L3MBTL1: variants seen among roughly 807,000 people sequenced by gnomAD.
L3MBTL1 encodes the protein L3MBTL histone methyl-lysine binding protein 1, also known as lethal(3)malignant brain tumor-like protein 1.
Under a neutral mutation model 105.3 loss-of-function variants are expected in L3MBTL1, and 75 were observed. The ratio of observed to expected loss-of-function variants is 0.71; its 90% confidence interval spans 0.59 to 0.86. The LOEUF is 0.86. Ranked by LOEUF, L3MBTL1 falls within the 40% of genes least tolerant of loss-of-function variation. L3MBTL1 has a pLI of 0.00. For synonymous variants in L3MBTL1, 452 were observed against 436.2 expected, an observed-to-expected ratio of 1.04 and a Z score of -0.45; for missense variants, 1,069 against 1,126.4, an observed-to-expected ratio of 0.95 and a Z score of 0.73.
chr20:43,547,654 T>C (rs1978710114), intron 18 of L3MBTL1, among the ~76,000 whole-genome samples: 1 of 152,182 alleles, frequency 6.6e-6, no homozygotes, highest in Non-Finnish European at 1.5e-5. Flanking sequence ...ACTATGTACT[T>C]TGTACTGCCT....
intron 19 of L3MBTL1, 74 bp downstream of exon 19, chr20:43,536,532 T>A: frequency 6.6e-7 from 1 of 1,522,772 alleles, no homozygotes; most frequent in African/African-American, 1.4e-5. Context: ...ATTGGTGGGA[T>A]GAGACAGATT....
At chr20:43,533,060 G>A (rs1472291420) in intron 12 of L3MBTL1, 136 bp downstream of exon 12, 2 of 860,538 alleles carry the variant, frequency 2.3e-6, no homozygotes, top group Non-Finnish European at 3.6e-6. Flanking sequence ...GAAGATAATT[G>A]AATTGAGCTT....
intron 6 of L3MBTL1, 70 bp downstream of exon 6, chr20:43,515,485 A>G (rs2018342287): frequency 2.6e-6 from 4 of 1,510,388 alleles, no homozygotes; most frequent in African/African-American, 1.4e-5. Flanking sequence ...TGTCCCCTCC[A>G]TCAATCCAGA....
chr20:43,509,621 T>C (rs904730624), intron 1 of L3MBTL1, among the ~76,000 whole-genome samples: 3 of 152,206 alleles, frequency 2.0e-5, no homozygotes, highest in African/African-American at 7.2e-5. Flanking sequence ...AATATAAGCT[T>C]CATGAGAGCA....
chr20:43,548,022 C>T, intron 18 of L3MBTL1: 10 of 677,990 alleles, frequency 1.5e-5, no homozygotes, highest in South Asian at 1.8e-5. Flanking sequence ...CTCCCCCATT[C>T]CCCATGCACA....
At chr20:43,510,406 C>CTTTTTTTTTT (rs11476429) in intron 1 of L3MBTL1, among the ~76,000 whole-genome samples, 1 of 127,566 alleles carries the variant, frequency 7.8e-6, no homozygotes, top group Non-Finnish European at 1.6e-5. Context: ...TTCTTTCTTT[C>CTTTTTTTTTT]TTTTTTTTTT....
rs749341764 is a variant in L3MBTL1 at position 43,528,685 on chromosome 20, G to A, written c.891G>A (p.Ser297=). The A allele has an allele frequency of 4.9e-5, 79 of 1,614,152 alleles. No individual in the cohort carries two copies. The East Asian group carries it at 7.4e-4, about 15-fold the overall frequency. ...CAGGTGAGAAGAAGGAATGCTGGTCGTGGGAGTCCTACCTAGAGGAGCAGA... is the reference window on the plus strand; with the variant it reads ...CAGGTGAGAAGAAGGAATGCTGGTCATGGGAGTCCTACCTAGAGGAGCAGA... ...PATGEKKECW[S]WESYLEEQKA... is the part of the protein sequence containing the mutation. The change falls in exon 8 of 22, where the codon TCG becomes TCA. Residue 297 remains serine (S), a synonymous_variant. Coordinates refer to ENST00000418998, the MANE Select transcript of L3MBTL1 (RefSeq NM_001377303.1).
intron 19 of L3MBTL1, 196 bp from the exon 20 acceptor site, chr20:43,539,955 C>G (rs1335060045): frequency 2.0e-5 from 13 of 662,600 alleles, no homozygotes; most frequent in Middle Eastern, 3.6e-4. Context: ...AAGAGAGTCA[C>G]TTTACCAGCA....
intron 7 of L3MBTL1, 73 bp from the exon 8 acceptor site, chr20:43,528,584 G>T: frequency 1.8e-6 from 2 of 1,083,216 alleles, no homozygotes; most frequent in Non-Finnish European, 2.9e-6. Flanking sequence ...GGTAGAGCTT[G>T]GTCAGGGGAA....
Position 43,513,482 on chromosome 20 carries a change from C to G in L3MBTL1, c.-22C>G. 6.5e-7 allele frequency: 1 copy of G among 1,549,178 alleles called. No individual in the cohort carries two copies. The highest frequency in any genetic ancestry group is 8.7e-7 in the Non-Finnish European group (1 of 1,146,046). On this transcript the variant is annotated 5_prime_UTR_variant, in exon 2 of 22. Coordinates refer to ENST00000418998, the MANE Select transcript of L3MBTL1 (RefSeq NM_001377303.1). ...GGCTATGTTTGGCTTGTAGGCCTGC[C>G]AGGATGGAGGGGCATGCTGGGATGG...
At chr20:43,528,215 C>T (rs2019134262) in intron 7 of L3MBTL1, among the ~76,000 whole-genome samples, 1 of 152,166 alleles carries the variant, frequency 6.6e-6, no homozygotes, top group Non-Finnish European at 1.5e-5. Flanking sequence ...TCTCCCAACC[C>T]TTCCACTTCT....
chr20:43,514,089 C>T, intron 3 of L3MBTL1, 28 bp downstream of exon 3: 2 of 1,513,252 alleles, frequency 1.3e-6, no homozygotes, highest in Non-Finnish European at 1.8e-6. Context: ...TTGGCTAAGC[C>T]TCGTAAACCG....
rs1600897150 is a variant in L3MBTL1 at position 43,515,589 on chromosome 20, A to T, written c.777+174A>T. The T allele has an allele frequency of 9.6e-6, 7 of 729,336 alleles. No individual in the cohort carries two copies. The East Asian group carries it at 1.9e-4, about 20-fold the overall frequency. The allele number at this position is 729,336 out of a possible 1,614,324, so 45.2% of individuals were successfully genotyped here. ...TTAGGTCCTATACCTGGTTAAAGGG[A>T]AATGAATTAATCACTCTCTTGATTT... On this transcript the variant is annotated intron_variant, in intron 6 of 21. Transcript: ENST00000418998.
chr20:43,536,606 A>G, intron 19 of L3MBTL1, 148 bp downstream of exon 19: 1 of 902,282 alleles, frequency 1.1e-6, no homozygotes, highest in South Asian at 1.5e-5. Flanking sequence ...GAGAGCACAG[A>G]GCAGTGGCAA....
intron 1 of L3MBTL1, among the ~76,000 whole-genome samples, chr20:43,509,085 T>C (rs2018064143): frequency 6.6e-6 from 1 of 152,154 alleles, no homozygotes; most frequent in South Asian, 2.1e-4. Flanking sequence ...TCCTTCTCAG[T>C]CCCTTTTGCT....
chr20:43,541,501 A>T lies in L3MBTL1; in HGVS notation c.*373A>T, dbSNP rs1464255997. On this transcript the variant is annotated 3_prime_UTR_variant, in exon 22 of 22. Transcript: ENST00000418998. ...TAACGATGGGGATACATTCTTAGAAATGTGTCACTAGGCAATTCTGTCATT... is the reference window on the plus strand; with the variant it reads ...TAACGATGGGGATACATTCTTAGAATTGTGTCACTAGGCAATTCTGTCATT... 3 of 194,400 alleles carry T rather than the reference A, an allele frequency of 1.5e-5. No individual in the cohort carries two copies. Among genetic ancestry groups the T allele is most frequent in the African/African-American group, 2.3e-5 (1 of 43,450 alleles). 12.0% of individuals were successfully genotyped at this position (194,400 alleles called of 1,614,324 possible).
At position 43,547,154 on chromosome 20, in the gene L3MBTL1, G is replaced by T. The variant is rs183334807; in HGVS notation, c.2125-957G>T. Reference sequence around the variant, plus strand: ...GAGTCTCGCTCTGTCGCCCAGGCTGGAGTGCAGTGGCGCGATCTCGGCTCA... The same window carrying T: ...GAGTCTCGCTCTGTCGCCCAGGCTGTAGTGCAGTGGCGCGATCTCGGCTCA... On this transcript the variant is annotated intron_variant, in intron 18 of 18. Transcript: ENST00000422861. 3.3e-3 allele frequency among the ~76,000 whole-genome samples: 490 copies of T among 147,458 alleles called. 10 individuals carry two copies. The highest frequency in any genetic ancestry group is 0.03 in the East Asian group (151 of 5,038).
intron 19 of L3MBTL1, among the ~76,000 whole-genome samples, chr20:43,537,217 G>A (rs2019676452): frequency 6.6e-6 from 1 of 152,264 alleles, no homozygotes; most frequent in Admixed American, 6.5e-5. Context: ...CGTGCTTGCT[G>A]CTGTAACAAA....
downstream of L3MBTL1, among the ~76,000 whole-genome samples, chr20:43,542,984 TAA>T (rs1255706297): frequency 1.3e-5 from 2 of 152,198 alleles, no homozygotes; most frequent in Admixed American, 1.3e-4. Context: ...TAGCAAAACT[TAA>T]GTTTGCCCTA....
Sources: gnomAD v4.1 joint callset for allele counts (sites outside exome capture counted in the v4.1 genomes callset) on GRCh38, gnomAD v4.1.1 for gene constraint, MANE v1.5 for transcripts, NCBI Gene and HGNC (gene_info 2026-07-23, HGNC 2026-07-21) for gene names.